MCTP1: variants seen among roughly 807,000 people sequenced by gnomAD.
The protein encoded by MCTP1 is multiple C2 and transmembrane domain containing 1.
In MCTP1, 69 loss-of-function variants were observed where a neutral mutation model predicts 120.6. The observed-to-expected ratio is 0.57, with a 90% CI of 0.47 to 0.70. MCTP1 has a LOEUF of 0.70. MCTP1 is among the 30% of genes least tolerant of loss of function. MCTP1 has a pLI of 0.00. For missense variants in MCTP1, 1,203 were observed against 1,248.8 expected (o/e 0.96, Z 0.55); for synonymous variants, 529 against 493.1 (o/e 1.07, Z -0.96).
At chr5:94,889,098 T>TTC in intron 11 of MCTP1, 126 bp from the exon 12 acceptor site, 1 of 578,276 alleles carries the variant, frequency 1.7e-6, no homozygotes, top group Non-Finnish European at 3.0e-6. Flanking sequence ...AACATTAAAC[T>TTC]AACTAATTTT....
chr5:94,869,662 G>C (rs1238505668), intron 16 of MCTP1, among the ~76,000 whole-genome samples: 1 of 151,902 alleles, frequency 6.6e-6, no homozygotes, highest in Non-Finnish European at 1.5e-5. Flanking sequence ...AATATTTCAA[G>C]GCATAAATAT....
intron 1 of MCTP1, among the ~76,000 whole-genome samples, chr5:95,176,125 G>A (rs1459114533): frequency 6.6e-6 from 1 of 152,020 alleles, no homozygotes; most frequent in Admixed American, 6.6e-5. Context: ...TGATGTGAAA[G>A]GACTTAAAAA....
At chr5:95,063,683 C>A (rs1749854746) in intron 1 of MCTP1, among the ~76,000 whole-genome samples, 1 of 152,184 alleles carries the variant, frequency 6.6e-6, no homozygotes, top group Admixed American at 6.5e-5. Context: ...GCAGCTTTAA[C>A]CTCCCTGGAT....
chr5:94,903,702 G>C (rs557594821), intron 10 of MCTP1, among the ~76,000 whole-genome samples: 1 of 152,184 alleles, frequency 6.6e-6, no homozygotes, highest in South Asian at 2.1e-4. Context: ...ACAATGCAAC[G>C]AAGTCAGTAG....
chr5:95,053,936 C>T (rs1268315831), intron 1 of MCTP1, among the ~76,000 whole-genome samples: 3 of 152,162 alleles, frequency 2.0e-5, no homozygotes, highest in Admixed American at 1.3e-4. Context: ...TCTACATCCA[C>T]GATTAAATGT....
Position 95,021,225 on chromosome 5 carries a change from A to G in MCTP1, c.721-3741T>C, listed in dbSNP as rs142350536. Among the ~76,000 whole-genome samples the G allele has an allele frequency of 5.8e-3, 882 of 152,206 alleles. 4 individuals carry two copies. Among genetic ancestry groups the G allele is most frequent in the Non-Finnish European group, 7.6e-3 (515 of 67,948 alleles). Reference sequence around the variant, plus strand: ...TGTCAGGTTGTGAGCATTAACGCATATAAGATGTTAAAATATTGCCTGGCT... The same window carrying G: ...TGTCAGGTTGTGAGCATTAACGCATGTAAGATGTTAAAATATTGCCTGGCT... On this transcript the variant is annotated intron_variant, in intron 1 of 22. Transcript: ENST00000515393.
At chr5:94,864,332 A>G (rs571957174) in intron 17 of MCTP1, among the ~76,000 whole-genome samples, 37 of 152,054 alleles carry the variant, frequency 2.4e-4, no homozygotes, top group African/African-American at 8.9e-4. Flanking sequence ...TGTTCCTCTA[A>G]GTAAAATATG....
intron 1 of MCTP1, among the ~76,000 whole-genome samples, chr5:95,178,824 C>A (rs1748301144): frequency 6.6e-6 from 1 of 152,100 alleles, no homozygotes. Flanking sequence ...CAAACCAAGA[C>A]AAAATTTCTG....
chr5:94,758,333 C>A (rs567182794), intron 19 of MCTP1, among the ~76,000 whole-genome samples: 1 of 152,242 alleles, frequency 6.6e-6, no homozygotes, highest in South Asian at 2.1e-4. Context: ...GTGGCACATG[C>A]CTATAGTCCT....
intron 1 of MCTP1, among the ~76,000 whole-genome samples, chr5:95,269,794 C>T (rs543905303): frequency 4.6e-5 from 7 of 152,256 alleles, no homozygotes; most frequent in East Asian, 1.9e-4. Context: ...CCAGGACTGC[C>T]GAAAAGTTAC....
In MCTP1 at chr5:95,150,991, C is replaced by A. The variant is rs552804116; in HGVS notation, c.720+132865G>T. Among the ~76,000 whole-genome samples the A allele has an allele frequency of 1.5e-3, 228 of 152,016 alleles. 1 individual carries two copies. Among genetic ancestry groups the A allele is most frequent in the Non-Finnish European group, 6.3e-4 (43 of 67,982 alleles). ...AAAATATTATCATTATTATTTGAGA[C>A]AGAGTCTTGCTCTGTTGCCCAGGCT... On this transcript the variant is annotated intron_variant, in intron 1 of 22. Coordinates refer to ENST00000515393, the MANE Select transcript of MCTP1 (RefSeq NM_024717.7).
intron 8 of MCTP1, among the ~76,000 whole-genome samples, 164 bp downstream of exon 8, chr5:94,917,732 T>G (rs1810450099): frequency 6.6e-6 from 1 of 152,174 alleles, no homozygotes; most frequent in Non-Finnish European, 1.5e-5. Context: ...AAAGAAAGTG[T>G]TAGTTACATT....
intron 1 of MCTP1, among the ~76,000 whole-genome samples, chr5:95,225,850 A>C (rs893396853): frequency 6.6e-6 from 1 of 152,118 alleles, no homozygotes; most frequent in Non-Finnish European, 1.5e-5. Context: ...ACTTTAGAAG[A>C]TATTTTAATG....
intron 17 of MCTP1, among the ~76,000 whole-genome samples, chr5:94,842,466 A>G (rs1163590112): frequency 6.6e-6 from 1 of 152,182 alleles, no homozygotes; most frequent in Non-Finnish European, 1.5e-5. Flanking sequence ...AAAAACAACA[A>G]CAATCTTTTC....
At chr5:94,915,665 GT>G (rs904133071) in intron 8 of MCTP1, among the ~76,000 whole-genome samples, 1 of 151,804 alleles carries the variant, frequency 6.6e-6, no homozygotes, top group Non-Finnish European at 1.5e-5. Flanking sequence ...TTGTTTTCTG[GT>G]TTTTTTGTTT....
In MCTP1 at chr5:94,860,475, G is replaced by A. The variant is rs192599711; in HGVS notation, c.2436+7858C>T. ...CATAAGAGAGAAGATAAAATTCTTC[G>A]ATCTCTATAAAGCCAAACAAACACC... On this transcript the variant is annotated intron_variant, in intron 17 of 22. Transcript: ENST00000515393. 4.6e-5 allele frequency among the ~76,000 whole-genome samples: 7 copies of A among 151,624 alleles called. No individual in the cohort carries two copies. In the East Asian group the frequency reaches 7.8e-4, roughly 17 times the overall value.
At chr5:95,265,898 G>A (rs1334539311) in intron 1 of MCTP1, among the ~76,000 whole-genome samples, 1 of 152,170 alleles carries the variant, frequency 6.6e-6, no homozygotes, top group Non-Finnish European at 1.5e-5. Flanking sequence ...ATCAGAGAGA[G>A]CTTCTATTAG....
At chr5:94,712,752 C>T (rs1386408362) in intron 20 of MCTP1, among the ~76,000 whole-genome samples, 2 of 151,856 alleles carry the variant, frequency 1.3e-5, no homozygotes, top group African/African-American at 2.4e-5. Flanking sequence ...ATACCTGTGC[C>T]TCCCTTGCTT....
rs984152507 is a variant in MCTP1 at position 94,732,327 on chromosome 5, AT to A, written c.2611-17442del. Among the ~76,000 whole-genome samples, 537 of 147,060 alleles carry A rather than the reference AT, an allele frequency of 3.7e-3. 3 individuals are homozygous for A. The highest frequency in any genetic ancestry group is 0.012 in the African/African-American group (484 of 40,188). On this transcript the variant is annotated intron_variant, in intron 19 of 22. Coordinates refer to ENST00000515393, the MANE Select transcript of MCTP1 (RefSeq NM_024717.7). ...TCTTAAAACATTATGAGACTTCGTG[AT>A]TTTTTTTTTTCTTAGCTCATTAGCT... is the stretch of plus-strand genomic sequence containing the variant.
Sources: gnomAD v4.1 joint callset for allele counts (sites outside exome capture counted in the v4.1 genomes callset) on GRCh38, gnomAD v4.1.1 for gene constraint, MANE v1.5 for transcripts, NCBI Gene and HGNC (gene_info 2026-07-23, HGNC 2026-07-21) for gene names.